TSPAN18: variants seen among roughly 807,000 people sequenced by gnomAD.
TSPAN18 encodes the protein tetraspanin 18.
A neutral mutation model predicts 27.3 loss-of-function variants in TSPAN18; 14 were observed. That is an observed-to-expected ratio of 0.51 (90% confidence interval 0.34 to 0.80). The LOEUF (loss-of-function observed/expected upper bound fraction) is 0.80, where lower values mean the gene tolerates loss of function less well. Among genes scored for constraint, TSPAN18 ranks in the 30% least tolerant of loss-of-function variants. The pLI, the probability that TSPAN18 is intolerant of heterozygous loss-of-function variation, is 0.01. For synonymous variants in TSPAN18, 143 were observed against 136.5 expected (o/e 1.05, Z -0.33); for missense variants, 268 against 323.9 (o/e 0.83, Z 1.32).
At chr11:44,887,129 T>G (rs1190188539) in intron 3 of TSPAN18, among the ~76,000 whole-genome samples, 1 of 152,244 alleles carries the variant, frequency 6.6e-6, no homozygotes, top group Non-Finnish European at 1.5e-5. Flanking sequence ...TTTCGGCTAA[T>G]AAGAGCTAGA....
At chr11:44,851,591 G>A (rs1157213839) in intron 2 of TSPAN18, among the ~76,000 whole-genome samples, 1 of 145,718 alleles carries the variant, frequency 6.9e-6, no homozygotes, top group Non-Finnish European at 1.5e-5. Context: ...CTGGGTCTCT[G>A]TTAGCCCAGG....
chr11:44,761,552 C>T (rs1187026404), intron 1 of TSPAN18, among the ~76,000 whole-genome samples: 1 of 152,224 alleles, frequency 6.6e-6, no homozygotes, highest in Non-Finnish European at 1.5e-5. Context: ...TCCTCTGAGG[C>T]TGCAGGAAGG....
chr11:44,807,527 C>CAAAAAAA (rs59241339), intron 2 of TSPAN18, among the ~76,000 whole-genome samples: 10 of 64,464 alleles, frequency 1.6e-4, no homozygotes, highest in Admixed American at 2.0e-4. Flanking sequence ...AACTCCATCT[C>CAAAAAAA]AAAAAAAAAA....
chr11:44,833,775 C>G (rs936128436), intron 2 of TSPAN18, among the ~76,000 whole-genome samples: 1 of 151,854 alleles, frequency 6.6e-6, no homozygotes, highest in Admixed American at 6.6e-5. Context: ...AGACACCCCA[C>G]CTGGGCCTTG....
chr11:44,746,520 G>A (rs1855081101), intron 1 of TSPAN18, among the ~76,000 whole-genome samples: 1 of 152,202 alleles, frequency 6.6e-6, no homozygotes. Context: ...TTTGAGAGGT[G>A]AGGCAGAAGG....
chr11:44,897,945 G>T (rs954164939), intron 3 of TSPAN18: 3 of 1,020,986 alleles, frequency 2.9e-6, no homozygotes, highest in Admixed American at 2.3e-5. Context: ...TGTCTCCTTC[G>T]GTCTTTCCCT....
intron 8 of TSPAN18, among the ~76,000 whole-genome samples, chr11:44,921,609 C>CAT (rs1554940732): frequency 2.6e-5 from 4 of 152,258 alleles, no homozygotes. Flanking sequence ...AGGGAGGTGG[C>CAT]CCCTAGGATG....
intron 2 of TSPAN18, among the ~76,000 whole-genome samples, chr11:44,852,909 C>T (rs547838395): frequency 1.3e-5 from 2 of 152,328 alleles, no homozygotes; most frequent in East Asian, 1.9e-4. Context: ...AAAAATGCTC[C>T]TGGCCATTCC....
intron 5 of TSPAN18, among the ~76,000 whole-genome samples, chr11:44,912,391 G>T (rs1330633256): frequency 1.3e-5 from 2 of 150,992 alleles, no homozygotes; most frequent in African/African-American, 2.4e-5. Context: ...CTCCCTCCCC[G>T]TTTCCCTGTC....
chr11:44,840,067 G>T lies in TSPAN18; in HGVS notation c.-152-20261G>T, dbSNP rs111983177. Reference sequence around the variant, plus strand: ...TAAGTCAACCTGGGCTTTGCTCTGCGCAAAACCAATGTGCTGCCTCGGCCA... The same window carrying T: ...TAAGTCAACCTGGGCTTTGCTCTGCTCAAAACCAATGTGCTGCCTCGGCCA... On this transcript the variant is annotated intron_variant, in intron 2 of 9. Transcript: ENST00000520358. Among the ~76,000 whole-genome samples the T allele has an allele frequency of 8.5e-3, 1,294 of 152,320 alleles. 10 individuals carry two copies. Among genetic ancestry groups the T allele is most frequent in the South Asian group, 0.019 (91 of 4,826 alleles).
intron 2 of TSPAN18, among the ~76,000 whole-genome samples, chr11:44,768,892 A>ATTT (rs60616294): frequency 9.9e-6 from 1 of 101,248 alleles, no homozygotes; most frequent in African/African-American, 3.7e-5. Context: ...ATACTATTTG[A>ATTT]TTTTTTTTTT....
At chr11:44,791,123 C>A (rs1856209373) in intron 2 of TSPAN18, among the ~76,000 whole-genome samples, 1 of 152,158 alleles carries the variant, frequency 6.6e-6, no homozygotes, top group African/African-American at 2.4e-5. Context: ...TCCCGAGAGA[C>A]CCCGTTCCCT....
At chr11:44,783,268 G>A (rs573984407) in intron 2 of TSPAN18, among the ~76,000 whole-genome samples, 2 of 152,254 alleles carry the variant, frequency 1.3e-5, no homozygotes, top group African/African-American at 4.8e-5. Flanking sequence ...AGGGAAACTT[G>A]ATAAACTGAC....
chr11:44,854,198 G>T (rs1857673404), intron 2 of TSPAN18, among the ~76,000 whole-genome samples: 1 of 119,442 alleles, frequency 8.4e-6, no homozygotes, highest in Non-Finnish European at 1.7e-5. Flanking sequence ...TGGGGCAGGG[G>T]GTGGGGGGGG....
intron 2 of TSPAN18, among the ~76,000 whole-genome samples, chr11:44,827,219 G>T (rs1857062409): frequency 6.6e-6 from 1 of 152,236 alleles, no homozygotes; most frequent in East Asian, 1.9e-4. Context: ...GCCTGTCCCA[G>T]GAGCTCTAGG....
intron 1 of TSPAN18, among the ~76,000 whole-genome samples, chr11:44,744,560 C>G (rs1415533236): frequency 1.3e-5 from 2 of 152,126 alleles, no homozygotes; most frequent in Admixed American, 1.3e-4. Context: ...GGCAGTACCC[C>G]TCTCCGGGCC....
At chr11:44,885,940 A>G (rs1858636636) in intron 3 of TSPAN18, 1 of 152,222 alleles carries the variant, frequency 6.6e-6, no homozygotes, top group African/African-American at 2.4e-5. Context: ...GCAAATATCA[A>G]TGGGGCAGAT....
At chr11:44,827,742 C>T (rs1857074263) in intron 2 of TSPAN18, among the ~76,000 whole-genome samples, 1 of 152,186 alleles carries the variant, frequency 6.6e-6, no homozygotes, top group Non-Finnish European at 1.5e-5. Flanking sequence ...GCTCAGTGTG[C>T]ATTTGCGAGA....
intron 3 of TSPAN18, among the ~76,000 whole-genome samples, chr11:44,863,704 A>T (rs763249812): frequency 6.6e-6 from 1 of 152,184 alleles, no homozygotes; most frequent in Non-Finnish European, 1.5e-5. Context: ...CGCTTGAAAC[A>T]TTGTATTCCA....
Sources: gnomAD v4.1 joint callset for allele counts (sites outside exome capture counted in the v4.1 genomes callset) on GRCh38, gnomAD v4.1.1 for gene constraint, MANE v1.5 for transcripts, NCBI Gene and HGNC (gene_info 2026-07-23, HGNC 2026-07-21) for gene names.